The following EPHA5 variants were observed in gnomAD, a reference collection of about 807,000 sequenced individuals.
EPHA5 encodes EPH receptor A5.
A neutral mutation model predicts 105.0 loss-of-function variants in EPHA5; 60 were observed. The ratio of observed to expected loss-of-function variants is 0.57; its 90% CI spans 0.46 to 0.71. EPHA5 has a LOEUF of 0.71. Ranked by LOEUF, EPHA5 falls within the 30% of genes least tolerant of loss-of-function variation. The pLI, the probability that EPHA5 is intolerant of heterozygous loss-of-function variation, is 0.00. For missense variants in EPHA5, 1,218 were observed against 1,274.7 expected, an observed-to-expected ratio of 0.96 and a Z score of 0.68; for synonymous variants, 513 against 449.1, an observed-to-expected ratio of 1.14 and a Z score of -1.80.
intron 8 of EPHA5, among the ~76,000 whole-genome samples, chr4:65,388,267 A>G (rs372329727): frequency 1.3e-5 from 2 of 151,146 alleles, no homozygotes; most frequent in South Asian, 4.2e-4. Flanking sequence ...GAATAGTGCC[A>G]CAATAAACAT....
chr4:65,465,512 A>G (rs201844341), intron 5 of EPHA5, among the ~76,000 whole-genome samples: 2 of 121,258 alleles, frequency 1.6e-5, no homozygotes, highest in Non-Finnish European at 3.6e-5. Context: ...AGAAAGAAAG[A>G]AAGAAAGAAA....
rs1207220527 is a variant in EPHA5, at chr4:65,322,618, CATGTGTG to C, written c.*1489_*1495del. 2 of 224,756 alleles carry C rather than the reference CATGTGTG, an allele frequency of 8.9e-6. No individual in the cohort carries two copies. Among genetic ancestry groups the C allele is most frequent in the African/African-American group, 4.5e-5 (2 of 44,784 alleles). The allele number at this position is 224,756 out of a possible 1,614,324, so 13.9% of individuals were successfully genotyped here. ...TTGTATCACAAATATAAGTCTTCATCATGTGTGGTATATAGAGCATACATAGAAGATA... is the reference window on the plus strand; with the variant it reads ...TTGTATCACAAATATAAGTCTTCATCGTATATAGAGCATACATAGAAGATA... On this transcript the variant is annotated 3_prime_UTR_variant, in exon 17 of 17. Coordinates refer to ENST00000613740, the MANE Select transcript of EPHA5 (RefSeq NM_001281766.3).
At chr4:65,526,317 A>G (rs1428388235) in intron 3 of EPHA5, among the ~76,000 whole-genome samples, 1 of 151,862 alleles carries the variant, frequency 6.6e-6, no homozygotes. Flanking sequence ...ATCCAACCAC[A>G]AATAGTTCAA....
intron 1 of EPHA5, among the ~76,000 whole-genome samples, chr4:65,662,485 T>C (rs1319759247): frequency 6.6e-6 from 1 of 152,150 alleles, no homozygotes; most frequent in African/African-American, 2.4e-5. Flanking sequence ...ACAGACACTT[T>C]AATCCCAATT....
intron 16 of EPHA5, chr4:65,330,474 C>T: frequency 3.9e-6 from 1 of 253,382 alleles, no homozygotes; most frequent in Non-Finnish European, 6.2e-6. Flanking sequence ...GTAATTATAA[C>T]TATTTTTTGA....
At chr4:65,546,742 C>A (rs1427756629) in intron 3 of EPHA5, among the ~76,000 whole-genome samples, 1 of 152,004 alleles carries the variant, frequency 6.6e-6, no homozygotes. Context: ...TGTCTGCGAA[C>A]TTCAAGATCC....
At chr4:65,515,970 T>G (rs931613542) in intron 3 of EPHA5, among the ~76,000 whole-genome samples, 3 of 152,176 alleles carry the variant, frequency 2.0e-5, no homozygotes, top group Non-Finnish European at 4.4e-5. Context: ...CTCTTTGTTC[T>G]CAGGCCTTTG....
At chr4:65,669,314 C>A (rs1750245997) in intron 1 of EPHA5, 4 of 866,250 alleles carry the variant, frequency 4.6e-6, no homozygotes, top group Non-Finnish European at 5.5e-6. Context: ...ACCTTCCCAG[C>A]CCCCCAACCA....
chr4:65,504,894 T>C (rs1240300514), intron 3 of EPHA5, among the ~76,000 whole-genome samples: 1 of 152,044 alleles, frequency 6.6e-6, no homozygotes, highest in African/African-American at 2.4e-5. Flanking sequence ...TTGATTCCTC[T>C]ATAGCACTAA....
intron 8 of EPHA5, among the ~76,000 whole-genome samples, chr4:65,381,673 A>G (rs987341510): frequency 6.6e-6 from 1 of 151,828 alleles, no homozygotes; most frequent in African/African-American, 2.4e-5. Flanking sequence ...CATAGTACTA[A>G]ATGTGTTTCC....
At chr4:65,475,264 T>G (rs185691111) in intron 5 of EPHA5, among the ~76,000 whole-genome samples, 290 of 152,292 alleles carry the variant, frequency 1.9e-3, no homozygotes, top group African/African-American at 6.6e-3. Flanking sequence ...TTTAAAAATG[T>G]TCAATTGAGT....
At chr4:65,487,766 T>G (rs1214840257) in intron 5 of EPHA5, among the ~76,000 whole-genome samples, 2 of 152,192 alleles carry the variant, frequency 1.3e-5, no homozygotes, top group Non-Finnish European at 2.9e-5. Flanking sequence ...CTCTGACTTT[T>G]GACAGAGCTG....
At chr4:65,479,876 GA>G (rs1180244134) in intron 5 of EPHA5, among the ~76,000 whole-genome samples, 1 of 152,098 alleles carries the variant, frequency 6.6e-6, no homozygotes, top group African/African-American at 2.4e-5. Flanking sequence ...AATACTTTAT[GA>G]AAAACAAACA....
At chr4:65,452,489 C>G (rs1441777895) in intron 5 of EPHA5, among the ~76,000 whole-genome samples, 1 of 150,534 alleles carries the variant, frequency 6.6e-6, no homozygotes, top group Non-Finnish European at 1.5e-5. Context: ...CAGCGAAGGA[C>G]AGAGAAGGGT....
intron 3 of EPHA5, among the ~76,000 whole-genome samples, chr4:65,578,912 G>A (rs544035242): frequency 6.6e-6 from 1 of 151,910 alleles, no homozygotes; most frequent in Non-Finnish European, 1.5e-5. Context: ...AAATGCTAAA[G>A]ACCGCTATTA....
intron 2 of EPHA5, among the ~76,000 whole-genome samples, chr4:65,633,823 C>T (rs952410230): frequency 7.2e-5 from 11 of 151,984 alleles, no homozygotes; most frequent in Non-Finnish European, 1.6e-4. Flanking sequence ...TCTTTGTTCA[C>T]ATGTTTGCTT....
chr4:65,402,614 G>A (rs906568810), intron 8 of EPHA5, among the ~76,000 whole-genome samples: 3 of 151,818 alleles, frequency 2.0e-5, no homozygotes, highest in African/African-American at 4.8e-5. Context: ...TTTCTCCTAA[G>A]TGCACACACA....
chr4:65,354,086 A>G (rs1723080743), intron 11 of EPHA5, among the ~76,000 whole-genome samples: 1 of 151,726 alleles, frequency 6.6e-6, no homozygotes, highest in Non-Finnish European at 1.5e-5. Context: ...CAGTTTTCTC[A>G]TATGTAAAAT....
chr4:65,618,539 G>A (rs1000598619), intron 2 of EPHA5, among the ~76,000 whole-genome samples: 1 of 152,094 alleles, frequency 6.6e-6, no homozygotes, highest in South Asian at 2.1e-4. Context: ...TCACTCTACA[G>A]GATGATCAAG....
Sources: allele counts gnomAD v4.1 joint callset (sites outside exome capture counted in the v4.1 genomes callset), GRCh38; gene constraint gnomAD v4.1.1; transcripts MANE v1.5; gene names NCBI Gene and HGNC (gene_info 2026-07-23, HGNC 2026-07-21).